Variants in ITGBL1 observed in about 807,000 individuals in gnomAD.
The protein encoded by ITGBL1 is integrin subunit beta like 1.
Under a neutral mutation model 68.5 loss-of-function variants are expected in ITGBL1, and 51 were observed. The observed-to-expected ratio is 0.74, with a 90% CI of 0.59 to 0.94. ITGBL1 has a LOEUF of 0.94. ITGBL1 is among the 40% of genes least tolerant of loss of function. The probability of loss-of-function intolerance (pLI) is 0.00; values close to 1 mark genes in which losing one functional copy is unlikely to be tolerated. For missense variants in ITGBL1, 649 were observed against 647.4 expected (o/e 1.00, Z -0.03); for synonymous variants, 209 against 227.3 (o/e 0.92, Z 0.72).
At chr13:101,493,410 G>T (rs989792891) in intron 2 of ITGBL1, among the ~76,000 whole-genome samples, 1 of 151,678 alleles carries the variant, frequency 6.6e-6, no homozygotes, top group Admixed American at 6.6e-5. Flanking sequence ...CTCTTATTAC[G>T]ATTCTCAATA....
intron 7 of ITGBL1, among the ~76,000 whole-genome samples, chr13:101,657,499 A>G (rs1308797053): frequency 2.0e-5 from 3 of 152,126 alleles, no homozygotes; most frequent in Admixed American, 1.3e-4. Context: ...CCCATTCTGC[A>G]TTTTATATGG....
chr13:101,718,336 T>TAA (rs2139634477), downstream of ITGBL1: 1 of 152,246 alleles, frequency 6.6e-6, no homozygotes, highest in Non-Finnish European at 1.5e-5. Context: ...TAGTTACATG[T>TAA]AAAGACATAA....
intron 2 of ITGBL1, among the ~76,000 whole-genome samples, chr13:101,533,040 C>A (rs568371491): frequency 1.3e-5 from 2 of 152,160 alleles, no homozygotes; most frequent in African/African-American, 4.8e-5. Flanking sequence ...ATAGGACATA[C>A]TTCTAGGATT....
chr13:101,583,414 TAA>T (rs370279713), intron 6 of ITGBL1, 58 bp downstream of exon 6: 53,395 of 1,007,530 alleles, frequency 0.053, no homozygotes, highest in South Asian at 0.062. Context: ...TGTTAATGGG[TAA>T]AAAAAAAAAA....
At chr13:101,608,252 C>T (rs1221827014) in intron 7 of ITGBL1, among the ~76,000 whole-genome samples, 2 of 152,018 alleles carry the variant, frequency 1.3e-5, no homozygotes, top group African/African-American at 4.8e-5. Context: ...ATGCCAAATT[C>T]TCACCATCTG....
At chr13:101,568,249 A>G (rs750014281) in intron 3 of ITGBL1, among the ~76,000 whole-genome samples, 4 of 152,226 alleles carry the variant, frequency 2.6e-5, no homozygotes, top group Non-Finnish European at 5.9e-5. Context: ...TAAATTTGAT[A>G]GAAGTTTCAG....
At chr13:101,540,044 C>A (rs983559563) in intron 2 of ITGBL1, among the ~76,000 whole-genome samples, 6 of 152,134 alleles carry the variant, frequency 3.9e-5, no homozygotes, top group African/African-American at 1.2e-4. Context: ...TGTGCAGAAG[C>A]TCTTTACTTT....
At chr13:101,617,954 C>G (rs1298377034) in intron 7 of ITGBL1, among the ~76,000 whole-genome samples, 1 of 152,072 alleles carries the variant, frequency 6.6e-6, no homozygotes, top group African/African-American at 2.4e-5. Context: ...GGGCTTAGAA[C>G]AATTTTTTTC....
intron 3 of ITGBL1, among the ~76,000 whole-genome samples, 187 bp from the exon 4 acceptor site, chr13:101,575,237 T>C (rs572025961): frequency 6.6e-6 from 1 of 152,272 alleles, no homozygotes; most frequent in East Asian, 1.9e-4. Context: ...TAAAATATAA[T>C]TGCCATGCTA....
At chr13:101,638,876 C>A (rs955996365) in intron 7 of ITGBL1, among the ~76,000 whole-genome samples, 11 of 152,090 alleles carry the variant, frequency 7.2e-5, no homozygotes, top group Admixed American at 3.9e-4. Context: ...TTTAATATTG[C>A]ATTTTGAGTA....
intron 7 of ITGBL1, among the ~76,000 whole-genome samples, chr13:101,635,576 A>G (rs1048783500): frequency 3.9e-5 from 6 of 152,070 alleles, no homozygotes; most frequent in African/African-American, 1.4e-4. Flanking sequence ...ATGTGGCCAT[A>G]TTTCAATGAG....
intron 7 of ITGBL1, among the ~76,000 whole-genome samples, chr13:101,674,223 T>A (rs1005616343): frequency 6.6e-6 from 1 of 152,208 alleles, no homozygotes; most frequent in Non-Finnish European, 1.5e-5. Flanking sequence ...TGTGAGGATA[T>A]CTGCTTGTCT....
At chr13:101,565,828 G>A (rs1056464773) in intron 2 of ITGBL1, among the ~76,000 whole-genome samples, 2 of 151,958 alleles carry the variant, frequency 1.3e-5, no homozygotes. Flanking sequence ...CCACTTCAGG[G>A]GATAAGCAAC....
rs540677295 is a variant in ITGBL1 at position 101,583,366 on chromosome 13, C to A, written c.868+10C>A. 2 of 1,437,930 alleles carry A rather than the reference C, an allele frequency of 1.4e-6. No homozygotes were observed. The highest frequency in any genetic ancestry group is 1.6e-5 in the South Asian group (1 of 61,254). 89.1% of individuals were successfully genotyped at this position (1,437,930 alleles called of 1,614,324 possible). On this transcript the variant is annotated intron_variant, in intron 6 of 10. Coordinates refer to ENST00000376180, the MANE Select transcript of ITGBL1 (RefSeq NM_004791.3). ...GATGACTTCTGTTCAGGTAAGGGCTCTTCCAATTCCTGTTTTTCTGGAGGG... is the reference window on the plus strand; with the variant it reads ...GATGACTTCTGTTCAGGTAAGGGCTATTCCAATTCCTGTTTTTCTGGAGGG...
intron 7 of ITGBL1, among the ~76,000 whole-genome samples, chr13:101,657,868 A>G (rs1410852975): frequency 6.6e-6 from 1 of 152,240 alleles, no homozygotes; most frequent in Non-Finnish European, 1.5e-5. Flanking sequence ...AAGTGGGCAG[A>G]GCAAGGGTCC....
intron 9 of ITGBL1, among the ~76,000 whole-genome samples, chr13:101,707,929 G>T (rs1327796510): frequency 6.7e-6 from 1 of 150,084 alleles, no homozygotes; most frequent in East Asian, 1.9e-4. Flanking sequence ...CCTACAAGTT[G>T]GTTGAATAGA....
intron 7 of ITGBL1, among the ~76,000 whole-genome samples, chr13:101,637,502 C>T (rs774967639): frequency 1.3e-5 from 2 of 151,968 alleles, no homozygotes; most frequent in Non-Finnish European, 2.9e-5. Context: ...TGCCACCACA[C>T]CTGGCTGAAT....
At chr13:101,604,976 ATG>A (rs2030651641) in intron 7 of ITGBL1, among the ~76,000 whole-genome samples, 1 of 124,068 alleles carries the variant, frequency 8.1e-6, no homozygotes, top group East Asian at 2.4e-4. Flanking sequence ...ATATACATAT[ATG>A]CGTACATGTG....
chr13:101,477,135 T>C (rs2048549600), intron 2 of ITGBL1, among the ~76,000 whole-genome samples: 1 of 152,078 alleles, frequency 6.6e-6, no homozygotes, highest in South Asian at 2.1e-4. Flanking sequence ...TGAAATTATA[T>C]CACATATCTT....
Sources: allele counts gnomAD v4.1 joint callset (sites outside exome capture counted in the v4.1 genomes callset), GRCh38; gene constraint gnomAD v4.1.1; transcripts MANE v1.5; gene names NCBI Gene and HGNC (gene_info 2026-07-23, HGNC 2026-07-21).